The following FAM178B variants were observed in gnomAD, a reference collection of about 807,000 sequenced individuals.
The protein encoded by FAM178B is family with sequence similarity 178 member B.
FAM178B carries 82 observed loss-of-function variants against 91.7 expected under a neutral mutation model. The ratio of observed to expected loss-of-function variants is 0.89; its 90% CI spans 0.75 to 1.07. The LOEUF is 1.07. Ranked by LOEUF, FAM178B falls within the 50% of genes least tolerant of loss-of-function variation. The pLI, the probability that FAM178B is intolerant of heterozygous loss-of-function variation, is 0.00. For missense variants in FAM178B, 769 were observed against 846.7 expected (o/e 0.91, Z 1.14); for synonymous variants, 368 against 359.4 (o/e 1.02, Z -0.27).
At chr2:96,930,222 A>AAAG (rs1171519780) in intron 8 of FAM178B, among the ~76,000 whole-genome samples, 68 of 146,724 alleles carry the variant, frequency 4.6e-4, no homozygotes, top group African/African-American at 1.7e-3. Context: ...AAAAAAAAAA[A>AAAG]AAAAAAAAAA....
chr2:96,960,207 G>A, intron 6 of FAM178B, 81 bp downstream of exon 6: 1 of 1,470,532 alleles, frequency 6.8e-7, no homozygotes, highest in South Asian at 1.3e-5. Context: ...CCCCTTTGGG[G>A]TGGCCCTTAT....
intron 14 of FAM178B, among the ~76,000 whole-genome samples, chr2:96,882,800 T>A (rs2080419391): frequency 6.6e-6 from 1 of 152,176 alleles, no homozygotes; most frequent in Admixed American, 6.5e-5. Flanking sequence ...CAGAACCTTG[T>A]CTGAAGACGG....
chr2:96,893,600 C>T (rs2080734618), intron 14 of FAM178B, among the ~76,000 whole-genome samples: 1 of 152,058 alleles, frequency 6.6e-6, no homozygotes. Context: ...GCATCCAGCT[C>T]CTGCATCCTC....
intron 1 of FAM178B, among the ~76,000 whole-genome samples, chr2:96,980,861 A>T (rs1382934674): frequency 1.3e-5 from 2 of 152,034 alleles, no homozygotes; most frequent in African/African-American, 4.8e-5. Flanking sequence ...ATTCAAGTCT[A>T]TTGCCCATTT....
intron 8 of FAM178B, among the ~76,000 whole-genome samples, chr2:96,944,427 A>G (rs1428940728): frequency 2.0e-5 from 3 of 152,146 alleles, no homozygotes; most frequent in African/African-American, 7.2e-5. Context: ...AACAAAATGG[A>G]AAAACTGTTC....
chr2:96,891,146 C>T (rs1220403734), intron 14 of FAM178B, among the ~76,000 whole-genome samples: 1 of 152,248 alleles, frequency 6.6e-6, no homozygotes. Context: ...GCCCCTGATT[C>T]ACTCCAGTTC....
chr2:96,950,568 T>A (rs1444387317), intron 7 of FAM178B, among the ~76,000 whole-genome samples: 1 of 152,130 alleles, frequency 6.6e-6, no homozygotes, highest in Non-Finnish European at 1.5e-5. Flanking sequence ...TGGGACCAGC[T>A]GGAACTTGTG....
rs560566221 is a variant in FAM178B at position 96,896,419 on chromosome 2, G to A, written c.1651-2368C>T. On this transcript the variant is annotated intron_variant, in intron 13 of 16. Coordinates refer to ENST00000490605, the MANE Select transcript of FAM178B (RefSeq NM_001122646.3). ...CCCCCACACACAAACCCCTCTCCAG[G>A]ATAAGGGGTTGTTTGGGCCTTGCAG... Among the ~76,000 whole-genome samples the A allele has an allele frequency of 3.3e-5, 5 of 152,272 alleles. No homozygotes were observed. In the South Asian group the frequency reaches 8.3e-4, roughly 25 times the overall value.
chr2:96,904,149 T>C (rs2080986071), intron 12 of FAM178B, among the ~76,000 whole-genome samples: 2 of 151,784 alleles, frequency 1.3e-5, no homozygotes, highest in Admixed American at 1.3e-4. Context: ...TACTCCTAGG[T>C]ACAAAGTTGC....
rs181921134 is a variant in FAM178B, at chr2:96,952,778, C to T, written c.888-1294G>A. On this transcript the variant is annotated intron_variant, in intron 6 of 16. Coordinates refer to ENST00000490605, the MANE Select transcript of FAM178B (RefSeq NM_001122646.3). ...ATCTTTGCTTGCTCTCTCTAGACCA[C>T]GTCCCAAAGATCATTAACATGGATT... is the stretch of plus-strand genomic sequence containing the variant. 9.1e-4 allele frequency among the ~76,000 whole-genome samples: 138 copies of T among 152,248 alleles called. 1 individual carries two copies. Among genetic ancestry groups the T allele is most frequent in the African/African-American group, 3.2e-3 (134 of 41,538 alleles).
chr2:96,960,942 C>T (rs1347498161), intron 5 of FAM178B, among the ~76,000 whole-genome samples: 1 of 151,986 alleles, frequency 6.6e-6, no homozygotes, highest in Non-Finnish European at 1.5e-5. Flanking sequence ...TGGGCGTGGG[C>T]GGAAGCAGGA....
chr2:96,961,226 T>C (rs1335281552), intron 5 of FAM178B, among the ~76,000 whole-genome samples: 2 of 152,162 alleles, frequency 1.3e-5, no homozygotes. Context: ...GCAGCGAAGA[T>C]GTTTCCCAAG....
chr2:96,888,639 A>C (rs904799540), intron 14 of FAM178B, among the ~76,000 whole-genome samples: 1 of 152,248 alleles, frequency 6.6e-6, no homozygotes, highest in African/African-American at 2.4e-5. Context: ...GCACAGGGAC[A>C]GACAACTGCA....
chr2:96,926,913 G>T (rs145447514), intron 9 of FAM178B, among the ~76,000 whole-genome samples: 3 of 152,190 alleles, frequency 2.0e-5, no homozygotes, highest in African/African-American at 7.2e-5. Context: ...AGGCACTGTG[G>T]GTAGCCCAGG....
chr2:96,932,623 C>A (rs1377336190), intron 8 of FAM178B, among the ~76,000 whole-genome samples: 1 of 152,134 alleles, frequency 6.6e-6, no homozygotes, highest in African/African-American at 2.4e-5. Context: ...CAGGGGAGCA[C>A]CGGAACACTG....
At chr2:96,938,368 G>A (rs1423422351) in intron 8 of FAM178B, among the ~76,000 whole-genome samples, 1 of 152,164 alleles carries the variant, frequency 6.6e-6, no homozygotes, top group Non-Finnish European at 1.5e-5. Context: ...GTAGTGGTGG[G>A]GACAGGAGCT....
chr2:96,974,934 T>C (rs12616466), intron 1 of FAM178B, among the ~76,000 whole-genome samples: 3,127 of 151,378 alleles, frequency 0.021, 98 homozygotes, highest in African/African-American at 0.066. Context: ...CTACTAAAAA[T>C]ACAAAAATTA....
At chr2:96,972,885 T>C (rs1246745646) in intron 1 of FAM178B, among the ~76,000 whole-genome samples, 1 of 151,888 alleles carries the variant, frequency 6.6e-6, no homozygotes, top group Admixed American at 6.5e-5. Flanking sequence ...CGGCGTGATC[T>C]TGGCTCACTG....
At chr2:96,906,523 C>A (rs181036426) in intron 12 of FAM178B, among the ~76,000 whole-genome samples, 15 of 152,312 alleles carry the variant, frequency 9.8e-5, no homozygotes, top group Admixed American at 2.0e-4. Flanking sequence ...TCAGCCTCAA[C>A]CCCCTCCTGT....
Sources: gnomAD v4.1 joint callset for allele counts (sites outside exome capture counted in the v4.1 genomes callset) on GRCh38, gnomAD v4.1.1 for gene constraint, MANE v1.5 for transcripts, NCBI Gene and HGNC (gene_info 2026-07-23, HGNC 2026-07-21) for gene names.